Variants in KIAA1217 observed in about 807,000 individuals in gnomAD.
The protein encoded by KIAA1217 is sickle tail protein homolog.
Under a neutral mutation model 163.9 loss-of-function variants are expected in KIAA1217, and 88 were observed. The ratio of observed to expected loss-of-function variants is 0.54; its 90% CI spans 0.45 to 0.64. KIAA1217 has a LOEUF of 0.64. Among genes scored for constraint, KIAA1217 ranks in the 30% least tolerant of loss-of-function variants. The pLI is 0.00. For synonymous variants in KIAA1217, 903 were observed against 923.1 expected (o/e 0.98, Z 0.39); for missense variants, 2,372 against 2,475.0 (o/e 0.96, Z 0.88).
intron 1 of KIAA1217, among the ~76,000 whole-genome samples, chr10:23,895,173 G>A (rs1841620017): frequency 6.6e-6 from 1 of 152,066 alleles, no homozygotes; most frequent in Non-Finnish European, 1.5e-5. Flanking sequence ...CTTCTGTACA[G>A]CAAAAGAAAC....
chr10:24,071,749 C>T (rs908642003), intron 2 of KIAA1217, among the ~76,000 whole-genome samples: 2 of 152,018 alleles, frequency 1.3e-5, no homozygotes, highest in African/African-American at 4.8e-5. Context: ...ACTGTGACTG[C>T]AGCAATGACC....
intron 2 of KIAA1217, among the ~76,000 whole-genome samples, chr10:24,180,663 A>G (rs1325493475): frequency 6.6e-6 from 1 of 152,166 alleles, no homozygotes; most frequent in African/African-American, 2.4e-5. Context: ...ACCTCCAGCT[A>G]TATCAAGTGG....
At chr10:24,041,790 C>T (rs1848644092) in intron 2 of KIAA1217, among the ~76,000 whole-genome samples, 1 of 152,164 alleles carries the variant, frequency 6.6e-6, no homozygotes, top group Non-Finnish European at 1.5e-5. Context: ...TGAACTAATG[C>T]CTGGAAACTG....
chr10:24,014,733 G>A (rs1162945328), intron 2 of KIAA1217, among the ~76,000 whole-genome samples: 3 of 152,074 alleles, frequency 2.0e-5, no homozygotes, highest in East Asian at 3.9e-4. Flanking sequence ...AAAAATTAGT[G>A]TTTTTGAAAT....
At chr10:24,065,091 A>G (rs1324998901) in intron 2 of KIAA1217, among the ~76,000 whole-genome samples, 1 of 152,122 alleles carries the variant, frequency 6.6e-6, no homozygotes. Flanking sequence ...TCAAAAAACC[A>G]GCTCCTGGAT....
At chr10:24,423,452 TTTTTGTTTTTTTG>T (rs1290144563) in intron 3 of KIAA1217, among the ~76,000 whole-genome samples, 1 of 151,084 alleles carries the variant, frequency 6.6e-6, no homozygotes, top group Admixed American at 6.6e-5. Context: ...GCCCAGATAA[TTTTTGTTTTTTTG>T]TTTTGTTTTT....
At chr10:24,189,105 C>CA (rs1286478652) in intron 2 of KIAA1217, among the ~76,000 whole-genome samples, 5,808 of 64,646 alleles carry the variant, frequency 0.09, 367 homozygotes, top group African/African-American at 0.21. Context: ...GACTCTGTCT[C>CA]AAAAAAAAAA....
chr10:24,363,675 A>C (rs1288254604), intron 2 of KIAA1217, among the ~76,000 whole-genome samples: 3 of 151,144 alleles, frequency 2.0e-5, no homozygotes, highest in Admixed American at 6.6e-5. Flanking sequence ...GGGCTCAAGC[A>C]GTCCTCCCAC....
intron 1 of KIAA1217, among the ~76,000 whole-genome samples, chr10:23,824,631 GAAAAAAAA>G (rs1216051100): frequency 7.0e-4 from 8 of 11,388 alleles, no homozygotes; most frequent in African/African-American, 1.2e-3. Flanking sequence ...TCTGTCTCAA[GAAAAAAAA>G]AAAAAAAAAA....
chr10:24,172,761 A>T (rs148584056), intron 2 of KIAA1217, among the ~76,000 whole-genome samples: 3 of 152,296 alleles, frequency 2.0e-5, no homozygotes, highest in Non-Finnish European at 4.4e-5. Context: ...CACAAGTTCA[A>T]ACTCAGGCAC....
chr10:23,829,110 T>A (rs1053305182), intron 1 of KIAA1217, among the ~76,000 whole-genome samples: 1 of 152,194 alleles, frequency 6.6e-6, no homozygotes, highest in Non-Finnish European at 1.5e-5. Context: ...ACTATTCAAT[T>A]TGGCAGGAAT....
intron 2 of KIAA1217, among the ~76,000 whole-genome samples, chr10:24,234,540 T>A (rs1284173854): frequency 6.7e-6 from 1 of 149,884 alleles, no homozygotes; most frequent in East Asian, 2.0e-4. Flanking sequence ...GACGCATGCA[T>A]ATAGTCCCAG....
At chr10:24,167,862 G>A (rs900976727) in intron 2 of KIAA1217, among the ~76,000 whole-genome samples, 1 of 152,114 alleles carries the variant, frequency 6.6e-6, no homozygotes, top group Non-Finnish European at 1.5e-5. Flanking sequence ...AGTCCTTCAT[G>A]TTATGTCATC....
chr10:23,826,802 C>A (rs577505549), intron 1 of KIAA1217, among the ~76,000 whole-genome samples: 142 of 152,252 alleles, frequency 9.3e-4, no homozygotes, highest in African/African-American at 3.4e-3. Flanking sequence ...CTGTAAACTC[C>A]CCACATGCAA....
At chr10:24,245,813 T>C (rs1188838822) in intron 2 of KIAA1217, among the ~76,000 whole-genome samples, 1 of 150,246 alleles carries the variant, frequency 6.7e-6, no homozygotes, top group African/African-American at 2.4e-5. Flanking sequence ...TTTTTTTTTC[T>C]TTTAGGTAGA....
chr10:24,070,046 C>A (rs895028779), intron 2 of KIAA1217, among the ~76,000 whole-genome samples: 1 of 152,068 alleles, frequency 6.6e-6, no homozygotes, highest in Admixed American at 6.6e-5. Flanking sequence ...CACTGTGTTG[C>A]CCAGACTTGT....
intron 1 of KIAA1217, among the ~76,000 whole-genome samples, chr10:23,995,401 C>T (rs968548078): frequency 2.2e-4 from 34 of 151,988 alleles, no homozygotes; most frequent in African/African-American, 7.3e-4. Context: ...GTAAAAACCC[C>T]TCAAAGCAAA....
intron 1 of KIAA1217, among the ~76,000 whole-genome samples, chr10:24,006,206 A>G (rs536152515): frequency 5.7e-4 from 87 of 152,170 alleles, no homozygotes; most frequent in Non-Finnish European, 1.1e-3. Context: ...TCAGGGTGAA[A>G]ACTCAACAAA....
chr10:24,305,524 C>G (rs2041911214), intron 2 of KIAA1217, among the ~76,000 whole-genome samples: 1 of 152,102 alleles, frequency 6.6e-6, no homozygotes, highest in Non-Finnish European at 1.5e-5. Context: ...TGGGAAGGGA[C>G]TATTATCATC....
Sources: gnomAD v4.1 joint callset for allele counts (sites outside exome capture counted in the v4.1 genomes callset) on GRCh38, gnomAD v4.1.1 for gene constraint, MANE v1.5 for transcripts, NCBI Gene and HGNC (gene_info 2026-07-23, HGNC 2026-07-21) for gene names.